Variants in MARCO observed in about 807,000 individuals in gnomAD.
MARCO encodes the protein macrophage receptor with collagenous structure, also known as macrophage receptor MARCO.
MARCO carries 72 observed loss-of-function variants against 70.0 expected under a neutral mutation model. The ratio of observed to expected loss-of-function variants is 1.03; its 90% confidence interval spans 0.85 to 1.25. MARCO has a LOEUF of 1.25. Among genes scored for constraint, MARCO ranks in the 50% most tolerant of loss-of-function variants. The pLI, the probability that MARCO is intolerant of heterozygous loss-of-function variation, is 0.00. For synonymous variants in MARCO, 273 were observed against 243.1 expected (o/e 1.12, Z -1.14); for missense variants, 696 against 659.3 (o/e 1.06, Z -0.61).
chr2:118,974,252 A>T (rs922782918), intron 4 of MARCO, 81 bp from the exon 5 acceptor site: 1 of 838,016 alleles, frequency 1.2e-6, no homozygotes, highest in African/African-American at 1.7e-5. Context: ...TTGTTGAATG[A>T]ATCACCATGT....
In MARCO at chr2:118,990,569, C is replaced by CGGGGGTG; in HGVS notation, c.1064-20_1064-19insGGGGGTG. The CGGGGGTG allele has an allele frequency of 6.4e-6, 9 of 1,415,912 alleles. No homozygotes were observed. The highest frequency in any genetic ancestry group is 8.8e-6 in the Non-Finnish European group (9 of 1,028,274). The allele number at this position is 1,415,912 out of a possible 1,614,324, so 87.7% of individuals were successfully genotyped here. A position where few individuals can be genotyped will look rare whatever the true frequency, so the allele number is the denominator to read the frequency against. On this transcript the variant is annotated intron_variant, in intron 12 of 16. Transcript: ENST00000327097. Reference sequence around the variant, plus strand: ...AGTTTTATTATCTCCTCCCCCCCCCCTTTTTTGTTTTGATCTTAGGACTTC... The same window carrying CGGGGGTG: ...AGTTTTATTATCTCCTCCCCCCCCCCGGGGGTGTTTTTTGTTTTGATCTTAGGACTTC...
intron 7 of MARCO, 146 bp from the exon 8 acceptor site, chr2:118,977,682 A>T: frequency 1.2e-6 from 1 of 810,030 alleles, no homozygotes; most frequent in Non-Finnish European, 2.0e-6. Flanking sequence ...CTTCAAGACC[A>T]CCCAAGAAAT....
rs569054420 is a variant in MARCO, at chr2:118,970,920, C to A, written c.425-579C>A. 7.2e-5 allele frequency among the ~76,000 whole-genome samples: 11 copies of A among 152,354 alleles called. No individual in the cohort carries two copies. In the South Asian group the frequency reaches 2.3e-3, roughly 32 times the overall value. On this transcript the variant is annotated intron_variant, in intron 3 of 16. Coordinates refer to ENST00000327097, the MANE Select transcript of MARCO (RefSeq NM_006770.4). ...CCGTGACACAGAGCTCCAGCCCCAG[C>A]AGGGTTCCTTGCTCTGGGCCCTGTG... is the stretch of plus-strand genomic sequence containing the variant.
intron 4 of MARCO, among the ~76,000 whole-genome samples, chr2:118,974,044 A>G (rs1460032011): frequency 1.3e-5 from 2 of 152,200 alleles, no homozygotes; most frequent in South Asian, 2.1e-4. Context: ...CATCTTACTG[A>G]TGAGGGAGCT....
At chr2:118,957,447 A>G (rs1679858801) in intron 1 of MARCO, among the ~76,000 whole-genome samples, 1 of 152,124 alleles carries the variant, frequency 6.6e-6, no homozygotes, top group South Asian at 2.1e-4. Context: ...AGGAAGAATT[A>G]GATACCCTGA....
intron 1 of MARCO, among the ~76,000 whole-genome samples, chr2:118,957,554 C>T (rs1422959751): frequency 6.6e-6 from 1 of 152,080 alleles, no homozygotes; most frequent in East Asian, 1.9e-4. Flanking sequence ...GACAGATTCA[C>T]AGCAGAATTC....
intron 1 of MARCO, among the ~76,000 whole-genome samples, chr2:118,960,271 C>A (rs1395570598): frequency 1.3e-5 from 2 of 151,964 alleles, no homozygotes; most frequent in East Asian, 3.9e-4. Flanking sequence ...TGCCTTACTG[C>A]TCTGGCTAGA....
intron 3 of MARCO, among the ~76,000 whole-genome samples, chr2:118,970,637 C>A (rs140762502): frequency 2.6e-4 from 39 of 152,278 alleles, no homozygotes; most frequent in African/African-American, 9.1e-4. Context: ...CTAGTTCAGA[C>A]AATGTGGGGA....
chr2:118,982,955 T>C (rs1208511544), intron 12 of MARCO, among the ~76,000 whole-genome samples: 1 of 152,242 alleles, frequency 6.6e-6, no homozygotes, highest in African/African-American at 2.4e-5. Flanking sequence ...TGTACCAATA[T>C]AGTCTACTTT....
chr2:118,948,730 A>G (rs1324857770), intron 1 of MARCO, among the ~76,000 whole-genome samples: 1 of 152,196 alleles, frequency 6.6e-6, no homozygotes, highest in African/African-American at 2.4e-5. Flanking sequence ...TCTTGGATGT[A>G]TGGTACAACA....
intron 12 of MARCO, among the ~76,000 whole-genome samples, chr2:118,982,879 C>G (rs559665959): frequency 1.8e-4 from 26 of 142,876 alleles, no homozygotes; most frequent in African/African-American, 7.6e-4. Flanking sequence ...TACCATAATG[C>G]CAACAGAGTC....
rs569781662 is a variant in MARCO, at chr2:118,981,892, T to C, written c.901+236T>C. ...CCACTTTGCCACCCAGGGGGTGGAG[T>C]TGGACAGTCACACCCAGAGCTCCTA... On this transcript the variant is annotated intron_variant, in intron 10 of 16. Transcript: ENST00000327097. Among the ~76,000 whole-genome samples the C allele has an allele frequency of 2.6e-5, 4 of 151,574 alleles. No homozygotes were observed. The East Asian group carries it at 7.8e-4, about 30-fold the overall frequency.
intron 12 of MARCO, 27 bp downstream of exon 12, chr2:118,982,437 G>T (rs2104598078): frequency 6.2e-7 from 1 of 1,610,026 alleles, no homozygotes. Flanking sequence ...TGGGTGAGTA[G>T]GTGGGCTTGC....
rs148801756 is a variant in MARCO at position 118,944,552 on chromosome 2, G to A, written c.97+2155G>A. Among the ~76,000 whole-genome samples, 272 of 152,136 alleles carry A rather than the reference G, an allele frequency of 1.8e-3. 2 individuals are homozygous for A. The highest frequency in any genetic ancestry group is 6.2e-3 in the African/African-American group (259 of 41,512). The stretch of plus-strand genomic sequence containing the variant: ...TCCCACATATGGTTCATGAAAAACA[G>A]CACTGAAAAATATTTCTAATGTCAT... On this transcript the variant is annotated intron_variant, in intron 1 of 16. Coordinates refer to ENST00000327097, the MANE Select transcript of MARCO (RefSeq NM_006770.4).
intron 1 of MARCO, among the ~76,000 whole-genome samples, chr2:118,952,248 G>C (rs1359258822): frequency 7.2e-5 from 11 of 152,044 alleles, no homozygotes; most frequent in Admixed American, 6.6e-4. Context: ...TCAAACCAGT[G>C]GGTGTCTTGC....
chr2:118,981,538 C>T (rs1680390992), intron 9 of MARCO, 31 bp downstream of exon 9: 1 of 1,587,052 alleles, frequency 6.3e-7, no homozygotes, highest in Non-Finnish European at 8.6e-7. Context: ...ATCCACTGAC[C>T]TCTAGGTATT....
intron 8 of MARCO, among the ~76,000 whole-genome samples, chr2:118,980,985 G>C (rs1175442424): frequency 6.6e-6 from 1 of 152,206 alleles, no homozygotes; most frequent in Non-Finnish European, 1.5e-5. Context: ...AGCTGCTGCA[G>C]TGTTTTTCTC....
chr2:118,977,321 AGAGAGAGAGAGAGAGTGAGAGT>A (rs928482201), intron 6 of MARCO, 128 bp from the exon 7 acceptor site: 2 of 518,652 alleles, frequency 3.9e-6, no homozygotes, highest in African/African-American at 3.8e-5. Flanking sequence ...TGTGAAAAAG[AGAGAGAGAGAGAGAGTGAGAGT>A]GAGAGAGAGA....
In MARCO at chr2:118,977,274, G is replaced by A. The variant is rs781330761; in HGVS notation, c.614-197G>A. Reference sequence around the variant, plus strand: ...GCCAGGGACTCTGCTGGTTGTGTTTGTGCAATCATATGTGTGTGATTGTGT... The same window carrying A: ...GCCAGGGACTCTGCTGGTTGTGTTTATGCAATCATATGTGTGTGATTGTGT... On this transcript the variant is annotated intron_variant, in intron 6 of 16. Transcript: ENST00000327097. 3.3e-5 allele frequency among the ~76,000 whole-genome samples: 5 copies of A among 152,194 alleles called. 1 individual carries two copies. The highest frequency in any genetic ancestry group is 4.4e-5 in the Non-Finnish European group (3 of 68,004).
Sources: gnomAD v4.1 joint callset for allele counts (sites outside exome capture counted in the v4.1 genomes callset) on GRCh38, gnomAD v4.1.1 for gene constraint, MANE v1.5 for transcripts, NCBI Gene and HGNC (gene_info 2026-07-23, HGNC 2026-07-21) for gene names.